The following FGF10 variants were observed in gnomAD, a reference collection of about 807,000 sequenced individuals.
FGF10 encodes fibroblast growth factor 10.
In FGF10, 2 loss-of-function variants were observed where a neutral mutation model predicts 19.8. The ratio of observed to expected loss-of-function variants is 0.10; its 90% CI spans 0.04 to 0.32. FGF10 has a LOEUF of 0.32. FGF10 is among the 10% of genes least tolerant of loss of function. The pLI is 1.00. For synonymous variants in FGF10, 112 were observed against 94.0 expected (o/e 1.19, Z -1.10); for missense variants, 191 against 246.3 (o/e 0.78, Z 1.50).
chr5:44,314,647 G>T (rs1030491980), intron 1 of FGF10, among the ~76,000 whole-genome samples: 18 of 151,966 alleles, frequency 1.2e-4, no homozygotes, highest in African/African-American at 3.9e-4. Flanking sequence ...ATATATAATT[G>T]TTTGGGCTGG....
chr5:44,339,733 C>T (rs1280225450), intron 1 of FGF10, among the ~76,000 whole-genome samples: 1 of 152,100 alleles, frequency 6.6e-6, no homozygotes, highest in Non-Finnish European at 1.5e-5. Context: ...CTGTGCTGTT[C>T]AGCTCCTCAC....
chr5:44,360,425 T>A (rs1341952833), intron 1 of FGF10, among the ~76,000 whole-genome samples: 1 of 151,524 alleles, frequency 6.6e-6, no homozygotes, highest in African/African-American at 2.4e-5. Context: ...GGGCAATCAT[T>A]CATTCAACCA....
intron 1 of FGF10, among the ~76,000 whole-genome samples, chr5:44,349,457 T>TCAGAATATATATATATATCAGAATAC (rs1386268498): frequency 6.7e-5 from 2 of 29,776 alleles, no homozygotes; most frequent in Admixed American, 2.9e-4. Context: ...TATATATATA[T>TCAGAATATATATATATATCAGAATAC]ATATATATAT....
chr5:44,347,574 T>C lies in FGF10; in HGVS notation c.326-37044A>G, dbSNP rs375333014. 3.6e-3 allele frequency among the ~76,000 whole-genome samples: 543 copies of C among 151,856 alleles called. 1 individual carries two copies. The highest frequency in any genetic ancestry group is 6.1e-3 in the Non-Finnish European group (414 of 67,824). Reference sequence around the variant, plus strand: ...TTTGTGATGCTTCGTCCCTGGCAAATCTTTCTTCTCTTGCTAAGAATCACT... The same window carrying C: ...TTTGTGATGCTTCGTCCCTGGCAAACCTTTCTTCTCTTGCTAAGAATCACT... On this transcript the variant is annotated intron_variant, in intron 1 of 2. Transcript: ENST00000264664.
chr5:44,327,527 C>T (rs1480909648), intron 1 of FGF10, among the ~76,000 whole-genome samples: 1 of 152,164 alleles, frequency 6.6e-6, no homozygotes. Context: ...TTCTTTGTCT[C>T]ACAAACTTGG....
At chr5:44,305,920 T>A (rs962362115) in intron 2 of FGF10, among the ~76,000 whole-genome samples, 1 of 152,172 alleles carries the variant, frequency 6.6e-6, no homozygotes, top group African/African-American at 2.4e-5. Flanking sequence ...CTACATTGTA[T>A]CTTAAGGACT....
chr5:44,358,471 G>T (rs1741400653), intron 1 of FGF10, among the ~76,000 whole-genome samples: 1 of 151,394 alleles, frequency 6.6e-6, no homozygotes, highest in African/African-American at 2.4e-5. Context: ...AAACAGAAGG[G>T]CTACATGAGT....
rs1158100719 is a variant in FGF10 at position 44,302,819 on chromosome 5, A to G, written c.*2176T>C. Among the ~76,000 whole-genome samples, 2 of 152,192 alleles carry G rather than the reference A, an allele frequency of 1.3e-5. No individual in the cohort carries two copies. The highest frequency in any genetic ancestry group is 2.4e-5 in the African/African-American group (1 of 41,448). ...TTACACATAGTCTCTTTAGTAATCTAAATGTCTATGTGAAATAAGAATCCA... is the reference window on the plus strand; with the variant it reads ...TTACACATAGTCTCTTTAGTAATCTGAATGTCTATGTGAAATAAGAATCCA... On this transcript the variant is annotated 3_prime_UTR_variant, in exon 3 of 3. Coordinates refer to ENST00000264664, the MANE Select transcript of FGF10 (RefSeq NM_004465.2).
In FGF10 at chr5:44,328,876, T is replaced by C. The variant is rs930812525; in HGVS notation, c.326-18346A>G. Among the ~76,000 whole-genome samples, 3 of 152,064 alleles carry C rather than the reference T, an allele frequency of 2.0e-5. No homozygotes were observed. The East Asian group carries it at 5.8e-4, about 29-fold the overall frequency. On this transcript the variant is annotated intron_variant, in intron 1 of 2. Coordinates refer to ENST00000264664, the MANE Select transcript of FGF10 (RefSeq NM_004465.2). Reference sequence around the variant, plus strand: ...ATCTGGGTATGGCAGCGCACACCTGTAGTTGCAGCTACTGAGGAAGCTGAG... The same window carrying C: ...ATCTGGGTATGGCAGCGCACACCTGCAGTTGCAGCTACTGAGGAAGCTGAG...
intron 1 of FGF10, among the ~76,000 whole-genome samples, chr5:44,347,604 T>C (rs1203993488): frequency 6.6e-6 from 1 of 151,724 alleles, no homozygotes; most frequent in Non-Finnish European, 1.5e-5. Flanking sequence ...ATCACTCTTT[T>C]TTGGGGGGCA....
At chr5:44,345,941 T>G (rs1171839626) in intron 1 of FGF10, among the ~76,000 whole-genome samples, 1 of 151,858 alleles carries the variant, frequency 6.6e-6, no homozygotes, top group Admixed American at 6.6e-5. Context: ...CACTTCTGTT[T>G]CATGACTTTA....
At chr5:44,338,111 G>A (rs1053379051) in intron 1 of FGF10, among the ~76,000 whole-genome samples, 1 of 152,086 alleles carries the variant, frequency 6.6e-6, no homozygotes, top group African/African-American at 2.4e-5. Context: ...TAGCATTAAT[G>A]AGTTGAGGAA....
At chr5:44,320,603 T>C (rs150087148) in intron 1 of FGF10, among the ~76,000 whole-genome samples, 1 of 152,332 alleles carries the variant, frequency 6.6e-6, no homozygotes, top group Non-Finnish European at 1.5e-5. Flanking sequence ...CTTTGTATAA[T>C]ATGTGATGAC....
chr5:44,362,840 G>A (rs1001522268), intron 1 of FGF10, among the ~76,000 whole-genome samples: 1 of 151,608 alleles, frequency 6.6e-6, no homozygotes, highest in Admixed American at 6.6e-5. Flanking sequence ...CCTAGGCAGG[G>A]TTATCTCTTC....
chr5:44,388,538 C>T lies in FGF10; in HGVS notation c.145G>A (p.Ala49Thr). ...AAGGAGGAGGAAGAAGAGTTGGTGG[C>T]CTCTGGTGACACCATGTCCTGACCA... is the stretch of plus-strand genomic sequence containing the variant. ...ALGQDMVSPE[A>T]TNSSSSSFSS... is the part of the protein sequence containing the mutation. Residue 49 changes from alanine (A) to threonine (T), a missense_variant, in exon 1 of 3, where the codon GCC becomes ACC. Around this residue, in one of 2 missense-constraint regions of FGF10, gnomAD observed 92 missense variants for 84.6 expected, o/e 1.09. Transcript: ENST00000264664. 6.2e-7 allele frequency: 1 copy of T among 1,614,126 alleles called. No homozygotes were observed. The highest frequency in any genetic ancestry group is 8.5e-7 in the Non-Finnish European group (1 of 1,180,038).
chr5:44,354,830 TATA>T (rs1561212294), intron 1 of FGF10, among the ~76,000 whole-genome samples: 1 of 151,508 alleles, frequency 6.6e-6, no homozygotes, highest in Non-Finnish European at 1.5e-5. Flanking sequence ...ACACATGTAA[TATA>T]ATAACAATCC....
chr5:44,373,539 T>A (rs951442908), intron 1 of FGF10, among the ~76,000 whole-genome samples: 5 of 152,176 alleles, frequency 3.3e-5, no homozygotes, highest in African/African-American at 1.2e-4. Context: ...AATTCATCAC[T>A]TACACGTTCT....
At chr5:44,331,053 T>C (rs1016587239) in intron 1 of FGF10, among the ~76,000 whole-genome samples, 2 of 152,182 alleles carry the variant, frequency 1.3e-5, no homozygotes, top group Non-Finnish European at 2.9e-5. Context: ...ACTTCATTTA[T>C]ATACTAAAGC....
At chr5:44,365,389 T>C (rs1194737179) in intron 1 of FGF10, among the ~76,000 whole-genome samples, 1 of 151,782 alleles carries the variant, frequency 6.6e-6, no homozygotes, top group Non-Finnish European at 1.5e-5. Flanking sequence ...AAGCTCCTTT[T>C]TGTTATTGCT....
Sources: gnomAD v4.1 joint callset for allele counts (sites outside exome capture counted in the v4.1 genomes callset) on GRCh38, gnomAD v4.1.1 for gene constraint, gnomAD v4.1.1 regional missense constraint, MANE v1.5 for transcripts, NCBI Gene and HGNC (gene_info 2026-07-23, HGNC 2026-07-21) for gene names.